Variants in KANSL1L observed in about 807,000 individuals in gnomAD.
KANSL1L encodes the protein KAT8 regulatory NSL complex subunit 1-like protein.
KANSL1L carries 25 observed loss-of-function variants against 108.6 expected under a neutral mutation model. The observed-to-expected ratio is 0.23, with a 90% confidence interval of 0.17 to 0.32. The LOEUF is 0.32. KANSL1L is among the 10% of genes least tolerant of loss of function. KANSL1L has a pLI of 1.00. For missense variants in KANSL1L, 1,137 were observed against 1,125.7 expected, an observed-to-expected ratio of 1.01 and a Z score of -0.14; for synonymous variants, 405 against 395.1, an observed-to-expected ratio of 1.03 and a Z score of -0.30.
intron 3 of KANSL1L, among the ~76,000 whole-genome samples, chr2:210,115,918 T>C (rs1010309763): frequency 2.0e-5 from 3 of 152,138 alleles, no homozygotes; most frequent in African/African-American, 7.2e-5. Context: ...CCTCCCAACA[T>C]AGGAACACCA....
At chr2:210,141,772 G>A (rs2095231469) in intron 2 of KANSL1L, among the ~76,000 whole-genome samples, 1 of 152,122 alleles carries the variant, frequency 6.6e-6, no homozygotes, top group Admixed American at 6.6e-5. Flanking sequence ...TTGAGAGTCT[G>A]AATTCTGTCA....
chr2:210,104,798 G>A lies in KANSL1L; in HGVS notation c.1231-497C>T, dbSNP rs567316525. 2.0e-5 allele frequency among the ~76,000 whole-genome samples: 3 copies of A among 152,002 alleles called. No individual in the cohort carries two copies. In the South Asian group the frequency reaches 6.2e-4, roughly 32 times the overall value. ...CTAACTCCTTTCAGAGCACCCTAAG[G>A]AGCCCTGCCCCTGTTGCTGTCAGCC... On this transcript the variant is annotated intron_variant, in intron 3 of 14. Transcript: ENST00000281772.
chr2:210,147,682 G>C (rs1194988121), intron 2 of KANSL1L, among the ~76,000 whole-genome samples: 1 of 151,896 alleles, frequency 6.6e-6, no homozygotes, highest in Non-Finnish European at 1.5e-5. Flanking sequence ...GACATGCAGG[G>C]AATAAAAAAA....
At chr2:210,092,034 C>T (rs533351229) in intron 5 of KANSL1L, among the ~76,000 whole-genome samples, 43 of 152,102 alleles carry the variant, frequency 2.8e-4, no homozygotes, top group Non-Finnish European at 5.3e-4. Flanking sequence ...GTCAGCTATC[C>T]GTCTAACTAT....
intron 4 of KANSL1L, among the ~76,000 whole-genome samples, chr2:210,102,557 AATCTACCT>A (rs1451160907): frequency 6.6e-6 from 1 of 152,212 alleles, no homozygotes; most frequent in Non-Finnish European, 1.5e-5. Context: ...AAATTTTTGC[AATCTACCT>A]ATCTGACAAA....
intron 3 of KANSL1L, among the ~76,000 whole-genome samples, chr2:210,120,791 A>C (rs1222940421): frequency 6.6e-6 from 1 of 152,232 alleles, no homozygotes; most frequent in Admixed American, 6.5e-5. Context: ...AACTTAAACA[A>C]ATTTACAAGA....
intron 5 of KANSL1L, among the ~76,000 whole-genome samples, chr2:210,096,248 G>T (rs939606085): frequency 2.6e-5 from 4 of 152,076 alleles, no homozygotes; most frequent in African/African-American, 9.7e-5. Flanking sequence ...TCTTTATGAG[G>T]TATCTTTTTC....
chr2:210,078,875 A>G (rs2094560502), intron 5 of KANSL1L, among the ~76,000 whole-genome samples: 2 of 152,250 alleles, frequency 1.3e-5, no homozygotes, highest in African/African-American at 4.8e-5. Flanking sequence ...CAAGGATATC[A>G]TTAATAAATC....
At chr2:210,108,657 T>C (rs1052946991) in intron 3 of KANSL1L, among the ~76,000 whole-genome samples, 3 of 152,024 alleles carry the variant, frequency 2.0e-5, no homozygotes, top group African/African-American at 7.2e-5. Context: ...TGGAAAATGA[T>C]CAAAGAGGAG....
chr2:210,077,345 G>A (rs556607619), intron 5 of KANSL1L, among the ~76,000 whole-genome samples: 6 of 152,246 alleles, frequency 3.9e-5, no homozygotes, highest in African/African-American at 1.4e-4. Context: ...CTTTCATCAT[G>A]TTGATGGCTA....
At chr2:210,157,310 T>A (rs2095339107) in intron 1 of KANSL1L, among the ~76,000 whole-genome samples, 2 of 152,024 alleles carry the variant, frequency 1.3e-5, no homozygotes, top group African/African-American at 4.8e-5. Flanking sequence ...ATAACCAAAC[T>A]AGCGAGCAGC....
intron 1 of KANSL1L, among the ~76,000 whole-genome samples, chr2:210,162,458 T>A (rs2095367229): frequency 6.6e-6 from 1 of 151,888 alleles, no homozygotes; most frequent in Non-Finnish European, 1.5e-5. Flanking sequence ...AATAAAAATT[T>A]CTGTTTTGGA....
At position 210,040,490 on chromosome 2, in the gene KANSL1L, T is replaced by C. The variant is rs140532260; in HGVS notation, c.1959A>G (p.Lys653=). 4.3e-5 allele frequency: 68 copies of C among 1,568,048 alleles called. No individual in the cohort carries two copies. The African/African-American group carries it at 7.1e-4, about 16-fold the overall frequency. Residue 653 remains lysine (K), a synonymous_variant, in exon 8 of 15, where the codon AAA becomes AAG. Transcript: ENST00000281772. ...CAAGATTGCCTTTTATTTCAGTCTT[T>C]TTTAACAGTGTTTCAAAGTGAAAAT... ...PLHFHFETLL[K]KTEIKGNLAE...
In KANSL1L at chr2:210,153,956, A is replaced by G. The variant is rs2095319046; in HGVS notation, c.627T>C (p.Val209=). Residue 209 remains valine (V), a synonymous_variant, in exon 2 of 15, where the codon GTT becomes GTC. Transcript: ENST00000281772. Reference sequence around the variant, plus strand: ...CCTCTTTTTCAGCAGCTGAAGAACTAACAGGCACATTTGAGTGGCCAGGTA... The same window carrying G: ...CCTCTTTTTCAGCAGCTGAAGAACTGACAGGCACATTTGAGTGGCCAGGTA... ...KIVPGHSNVP[V]SSSAAEKEEE... The G allele has an allele frequency of 4.3e-6, 7 of 1,613,532 alleles. No individual in the cohort carries two copies. The highest frequency in any genetic ancestry group is 5.9e-6 in the Non-Finnish European group (7 of 1,180,006).
chr2:210,072,334 TAC>T (rs980324539), intron 6 of KANSL1L, among the ~76,000 whole-genome samples: 1 of 152,246 alleles, frequency 6.6e-6, no homozygotes, highest in Non-Finnish European at 1.5e-5. Context: ...GTCAGAATAC[TAC>T]ACAGTGTTAT....
chr2:210,084,866 T>A lies in KANSL1L; in HGVS notation c.1551-9110A>T, dbSNP rs374356068. Reference sequence around the variant, plus strand: ...ACCTCATGATCCACCCGCCTCGGCCTCCCAAAGTGCTGGGATTACAGGCAT... The same window carrying A: ...ACCTCATGATCCACCCGCCTCGGCCACCCAAAGTGCTGGGATTACAGGCAT... On this transcript the variant is annotated intron_variant, in intron 5 of 14. Coordinates refer to ENST00000281772, the MANE Select transcript of KANSL1L (RefSeq NM_152519.4). Among the ~76,000 whole-genome samples, 29 of 152,308 alleles carry A rather than the reference T, an allele frequency of 1.9e-4. No homozygotes were observed. In the East Asian group the frequency reaches 5.4e-3, roughly 28 times the overall value.
intron 6 of KANSL1L, among the ~76,000 whole-genome samples, chr2:210,050,735 C>T (rs1168355585): frequency 6.6e-6 from 1 of 150,844 alleles, no homozygotes. Flanking sequence ...CACAGTGGCA[C>T]ACACCTATAT....
At chr2:210,151,016 A>T (rs890971892) in intron 2 of KANSL1L, among the ~76,000 whole-genome samples, 2 of 151,938 alleles carry the variant, frequency 1.3e-5, no homozygotes, top group Non-Finnish European at 2.9e-5. Flanking sequence ...GAAAAGACAA[A>T]ATTTTCTTCC....
intron 3 of KANSL1L, among the ~76,000 whole-genome samples, chr2:210,117,867 A>T (rs1372174950): frequency 6.6e-6 from 1 of 152,192 alleles, no homozygotes; most frequent in Non-Finnish European, 1.5e-5. Context: ...GTATTATAAA[A>T]AAATAGAAAA....
Sources: allele counts gnomAD v4.1 joint callset (sites outside exome capture counted in the v4.1 genomes callset), GRCh38; gene constraint gnomAD v4.1.1; transcripts MANE v1.5; gene names NCBI Gene and HGNC (gene_info 2026-07-23, HGNC 2026-07-21).